The following BLTP2 variants were observed in gnomAD, a reference collection of about 807,000 sequenced individuals.
BLTP2 encodes U937-associated antigen.
At chr17:28,628,225 C>A in the BLTP2 span, 1 of 1,589,030 alleles carries the variant, frequency 6.3e-7, no homozygotes. Flanking sequence ...TATCCATGTT[C>A]TAAACCCAAA....
the BLTP2 span, chr17:28,642,416 C>A: frequency 8.9e-7 from 1 of 1,119,742 alleles, no homozygotes. Context: ...CTTTGGGAGG[C>A]CAAGGTGGGA....
the BLTP2 span, chr17:28,620,661 C>T: frequency 6.2e-7 from 1 of 1,609,914 alleles, no homozygotes; most frequent in Non-Finnish European, 8.5e-7. Context: ...AAATAAAAGG[C>T]TCAAGTTTCT....
chr17:28,633,822 G>C, the BLTP2 span: 3 of 1,601,136 alleles, frequency 1.9e-6, no homozygotes, highest in East Asian at 6.7e-5. Context: ...ACTCCAGAAG[G>C]GTCTCAGCTC....
the BLTP2 span, among the ~76,000 whole-genome samples, chr17:28,630,323 ATT>A: frequency 1.3e-5 from 2 of 150,448 alleles, no homozygotes; most frequent in South Asian, 4.2e-4. Context: ...CACCCAGATA[ATT>A]TTTTGTATTT....
the BLTP2 span, among the ~76,000 whole-genome samples, chr17:28,629,289 C>T: frequency 6.7e-6 from 1 of 148,406 alleles, no homozygotes; most frequent in Non-Finnish European, 1.5e-5. Context: ...GGCTGAAGTG[C>T]AGTGGTGTGA....
chr17:28,615,550 C>T, the BLTP2 span: 7 of 1,340,060 alleles, frequency 5.2e-6, no homozygotes, highest in Non-Finnish European at 7.2e-6. Flanking sequence ...TCACTTCATG[C>T]ACCTGCCCCT....
the BLTP2 span, chr17:28,617,187 G>T: frequency 6.6e-7 from 1 of 1,508,050 alleles, no homozygotes; most frequent in Non-Finnish European, 9.2e-7. Flanking sequence ...AATGCCCCGT[G>T]CTAAAAACAT....
chr17:28,644,057 C>T, the BLTP2 span: 2 of 1,614,032 alleles, frequency 1.2e-6, no homozygotes, highest in African/African-American at 1.3e-5. Context: ...CCAGAACTCA[C>T]CACTGTTTGC....
At chr17:28,615,471 G>A in the BLTP2 span, among the ~76,000 whole-genome samples, 3 of 152,154 alleles carry the variant, frequency 2.0e-5, no homozygotes, top group Non-Finnish European at 2.9e-5. Flanking sequence ...GGTGCTATAC[G>A]AAACACTCAG....
the BLTP2 span, chr17:28,638,098 G>C: frequency 6.2e-7 from 1 of 1,613,240 alleles, no homozygotes; most frequent in Non-Finnish European, 8.5e-7. Context: ...AGCTACCCTA[G>C]AGAAGAAGCA....
At chr17:28,625,537 A>G in the BLTP2 span, among the ~76,000 whole-genome samples, 1 of 152,106 alleles carries the variant, frequency 6.6e-6, no homozygotes, top group Non-Finnish European at 1.5e-5. Context: ...CAGCATGCCC[A>G]AATGTGAACT....
At chr17:28,627,219 T>G in the BLTP2 span, among the ~76,000 whole-genome samples, 2 of 152,214 alleles carry the variant, frequency 1.3e-5, no homozygotes, top group African/African-American at 2.4e-5. Flanking sequence ...CACTCAAGAC[T>G]CTGCTTTGAA....
chr17:28,638,210 G>C, the BLTP2 span: 1 of 1,601,858 alleles, frequency 6.2e-7, no homozygotes, highest in African/African-American at 1.3e-5. Flanking sequence ...GACAGGATGA[G>C]GAAAGCTGTG....
chr17:28,619,027 G>A, the BLTP2 span: 3 of 1,466,624 alleles, frequency 2.0e-6, no homozygotes, highest in Non-Finnish European at 2.8e-6. Context: ...TGGGTTGGGG[G>A]TGGGATAGAA....
At chr17:28,639,061 T>C in the BLTP2 span, 123 of 517,798 alleles carry the variant, frequency 2.4e-4, no homozygotes, top group African/African-American at 1.3e-3. Context: ...ATCATTTAAG[T>C]TCAGTTCAAC....
chr17:28,619,985 ACCTGACCCGTTGCTTCTTCTCAC>A, the BLTP2 span: 1 of 1,613,896 alleles, frequency 6.2e-7, no homozygotes, highest in Non-Finnish European at 8.5e-7. Context: ...TCAAGCTGGA[ACCTGACCCGTTGCTTCTTCTCAC>A]TATGTTCCTA....
At chr17:28,633,250 T>A in the BLTP2 span, 1 of 1,599,958 alleles carries the variant, frequency 6.3e-7, no homozygotes, top group Non-Finnish European at 8.6e-7. Flanking sequence ...GAGCCCCTCA[T>A]CCCATGGAGG....
the BLTP2 span, chr17:28,616,720 G>A: frequency 9.3e-6 from 15 of 1,614,120 alleles, no homozygotes; most frequent in Non-Finnish European, 1.2e-5. This position sits in a 1 kb window ranked among gnomAD's most constrained non-coding sequence, Gnocchi z 4.8. Flanking sequence ...AAGAACTGGT[G>A]TGTCAGCTGG....
the BLTP2 span, chr17:28,643,738 T>C: frequency 4.4e-6 from 6 of 1,371,952 alleles, no homozygotes; most frequent in Non-Finnish European, 4.2e-6. Context: ...GGAAATGTTC[T>C]GGATTATTAG....
Sources: allele counts gnomAD v4.1 joint callset (sites outside exome capture counted in the v4.1 genomes callset), GRCh38; gene constraint gnomAD v4.1.1; non-coding constraint Gnocchi (gnomAD v3.1); transcripts MANE v1.5; gene names NCBI Gene and HGNC (gene_info 2026-07-23, HGNC 2026-07-21).